The following JMJD1C variants were observed in gnomAD, a reference collection of about 807,000 sequenced individuals.
JMJD1C encodes jumonji domain containing 1C.
A neutral mutation model predicts 245.3 loss-of-function variants in JMJD1C; 31 were observed. That is an observed-to-expected ratio of 0.13 (90% CI 0.09 to 0.17). The LOEUF (loss-of-function observed/expected upper bound fraction) is 0.17. Among genes scored for constraint, JMJD1C ranks in the 10% least tolerant of loss-of-function variants. The probability of loss-of-function intolerance (pLI) is 1.00; values close to 1 mark genes in which losing one functional copy is unlikely to be tolerated. For missense variants in JMJD1C, 2,691 were observed against 3,000.2 expected (o/e 0.90, Z 2.41); for synonymous variants, 1,057 against 1,017.4 (o/e 1.04, Z -0.74).
intron 2 of JMJD1C, 171 bp downstream of exon 2, chr10:63,380,147 T>C (rs555603746): frequency 1.8e-6 from 1 of 551,742 alleles, no homozygotes; most frequent in Non-Finnish European, 3.2e-6. Flanking sequence ...TCTCGCTTTT[T>C]TGCCCAGGCT....
chr10:63,454,148 T>C (rs1483883653), intron 1 of JMJD1C, among the ~76,000 whole-genome samples: 2 of 152,192 alleles, frequency 1.3e-5, no homozygotes, highest in Non-Finnish European at 2.9e-5. Context: ...TCTACACTTT[T>C]TGCAATGATG....
intron 1 of JMJD1C, among the ~76,000 whole-genome samples, chr10:63,405,291 G>A (rs1177782278): frequency 6.6e-6 from 1 of 150,736 alleles, no homozygotes; most frequent in Admixed American, 6.6e-5. Flanking sequence ...ATTCAAACCT[G>A]AGTCTACTTT....
chr10:63,281,485 T>TC, intron 2 of JMJD1C, among the ~76,000 whole-genome samples: 1 of 134,342 alleles, frequency 7.4e-6, no homozygotes, highest in African/African-American at 3.0e-5. Context: ...TTTTTTTTTT[T>TC]TTTGAGACGG....
chr10:63,172,797 G>C (rs1255586399), intron 24 of JMJD1C, among the ~76,000 whole-genome samples: 6 of 150,548 alleles, frequency 4.0e-5, no homozygotes, highest in Admixed American at 3.3e-4. Flanking sequence ...AAGCAAAAAA[G>C]ATTAAGAAGC....
intron 2 of JMJD1C, among the ~76,000 whole-genome samples, chr10:63,316,276 A>C (rs978949168): frequency 2.0e-5 from 3 of 152,226 alleles, no homozygotes; most frequent in East Asian, 3.8e-4. Context: ...AGAAGTACGC[A>C]GTAATTTTCA....
intron 2 of JMJD1C, among the ~76,000 whole-genome samples, chr10:63,361,719 T>TAAAAAAAAAAAAAAAAAAAAAAAA (rs55879769): frequency 3.1e-5 from 3 of 95,604 alleles, no homozygotes; most frequent in African/African-American, 8.8e-5. Flanking sequence ...CTGTCTCAAC[T>TAAAAAAAAAAAAAAAAAAAAAAAA]AAAAAAAAAA....
chr10:63,260,843 G>A (rs1026155068), intron 3 of JMJD1C, among the ~76,000 whole-genome samples: 10 of 152,044 alleles, frequency 6.6e-5, no homozygotes, highest in South Asian at 4.2e-4. Context: ...CGCCCGCTTC[G>A]GCTTCTCAAA....
chr10:63,247,614 T>C (rs954296129), intron 3 of JMJD1C, among the ~76,000 whole-genome samples: 5 of 146,364 alleles, frequency 3.4e-5, no homozygotes, highest in Admixed American at 2.1e-4. Flanking sequence ...ATGCCTGTAG[T>C]CCCAGCTACT....
At chr10:63,433,651 T>C (rs1305346831) in intron 1 of JMJD1C, among the ~76,000 whole-genome samples, 1 of 148,692 alleles carries the variant, frequency 6.7e-6, no homozygotes, top group African/African-American at 2.5e-5. Context: ...AAGGGTGAGA[T>C]CATGGCTCAC....
Position 63,269,506 on chromosome 10 carries a change from G to T in JMJD1C, c.334-4742C>A, listed in dbSNP as rs182360310. ...TACCAAGGTGAGAAAGTGCAGAAAAGAAATAACATGTGACTATCTCTCAAG... is the reference window on the plus strand; with the variant it reads ...TACCAAGGTGAGAAAGTGCAGAAAATAAATAACATGTGACTATCTCTCAAG... On this transcript the variant is annotated intron_variant, in intron 2 of 25. Coordinates refer to ENST00000399262, the MANE Select transcript of JMJD1C (RefSeq NM_032776.3). Among the ~76,000 whole-genome samples, 78 of 152,200 alleles carry T rather than the reference G, an allele frequency of 5.1e-4. 1 individual carries two copies. Among genetic ancestry groups the T allele is most frequent in the Middle Eastern group, 6.8e-3 (2 of 294 alleles).
intron 3 of JMJD1C, among the ~76,000 whole-genome samples, chr10:63,227,336 T>C (rs1849413581): frequency 6.6e-6 from 1 of 152,172 alleles, no homozygotes; most frequent in Admixed American, 6.5e-5. Context: ...AAATATATTA[T>C]TTATGTCACA....
At position 63,465,943 on chromosome 10, in the gene JMJD1C, A is replaced by G; in HGVS notation, c.-281T>C. 1 of 548,620 alleles carries G rather than the reference A, an allele frequency of 1.8e-6. No homozygotes were observed. The highest frequency in any genetic ancestry group is 2.8e-5 in the Admixed American group (1 of 35,826). The allele number at this position is 548,620 out of a possible 1,614,324, so 34.0% of individuals were successfully genotyped here. ...ACGCGGCCGTCGAAGACCCCGAGGCAGCCCAGCCGCCGCCACCGCGCCGCG... is the reference window on the plus strand; with the variant it reads ...ACGCGGCCGTCGAAGACCCCGAGGCGGCCCAGCCGCCGCCACCGCGCCGCG... On this transcript the variant is annotated 5_prime_UTR_variant, in exon 1 of 26. Coordinates refer to ENST00000399262, the MANE Select transcript of JMJD1C (RefSeq NM_032776.3).
intron 2 of JMJD1C, among the ~76,000 whole-genome samples, chr10:63,271,063 T>G (rs1313539586): frequency 3.3e-5 from 5 of 152,174 alleles, no homozygotes; most frequent in African/African-American, 4.8e-5. Flanking sequence ...AGAAATTACA[T>G]GATGAAAGAG....
intron 1 of JMJD1C, among the ~76,000 whole-genome samples, chr10:63,416,414 A>G (rs1949807548): frequency 1.3e-5 from 2 of 151,958 alleles, no homozygotes; most frequent in Non-Finnish European, 2.9e-5. Context: ...GGAAAAATCT[A>G]TCTCATTTTA....
intron 3 of JMJD1C, chr10:63,223,045 A>G (rs1848794195): frequency 8.3e-7 from 1 of 1,209,648 alleles, no homozygotes; most frequent in East Asian, 2.3e-5. Flanking sequence ...TTCCTGGAAT[A>G]TAATTGGTAT....
chr10:63,218,408 A>C (rs1396247061), intron 4 of JMJD1C, among the ~76,000 whole-genome samples: 1 of 152,144 alleles, frequency 6.6e-6, no homozygotes, highest in Admixed American at 6.5e-5. Flanking sequence ...GACTGGCTAT[A>C]ATTTAAGGGA....
intron 18 of JMJD1C, among the ~76,000 whole-genome samples, chr10:63,187,664 T>C (rs952687536): frequency 1.3e-5 from 2 of 152,190 alleles, no homozygotes; most frequent in Non-Finnish European, 2.9e-5. Flanking sequence ...CTCCAACTCC[T>C]GGGCTGAAGC....
chr10:63,400,259 T>G (rs1948766819), intron 1 of JMJD1C, among the ~76,000 whole-genome samples: 1 of 152,194 alleles, frequency 6.6e-6, no homozygotes, highest in Admixed American at 6.5e-5. Flanking sequence ...ATTCTATCTT[T>G]AAGGCATACT....
intron 2 of JMJD1C, among the ~76,000 whole-genome samples, chr10:63,345,541 G>A (rs908067101): frequency 6.7e-6 from 1 of 148,652 alleles, no homozygotes; most frequent in Non-Finnish European, 1.5e-5. Flanking sequence ...CTATGGAACA[G>A]CATAAATGAA....
Sources: allele counts gnomAD v4.1 joint callset (sites outside exome capture counted in the v4.1 genomes callset), GRCh38; gene constraint gnomAD v4.1.1; transcripts MANE v1.5; gene names NCBI Gene and HGNC (gene_info 2026-07-23, HGNC 2026-07-21).